The following CSGALNACT1 variants were observed in gnomAD, a reference collection of about 807,000 sequenced individuals.
CSGALNACT1 encodes chondroitin sulfate N-acetylgalactosaminyltransferase 1, also known as beta4GalNAcT-1.
Under a neutral mutation model 51.0 loss-of-function variants are expected in CSGALNACT1, and 52 were observed. The observed-to-expected ratio is 1.02, with a 90% CI of 0.82 to 1.29. The LOEUF (loss-of-function observed/expected upper bound fraction) is 1.29. Ranked by LOEUF, CSGALNACT1 falls within the 50% of genes most tolerant of loss-of-function variation. The probability of loss-of-function intolerance (pLI) is 0.00; values close to 1 mark genes in which losing one functional copy is unlikely to be tolerated. For missense variants in CSGALNACT1, 935 were observed against 679.2 expected, an observed-to-expected ratio of 1.38 and a Z score of -4.19; for synonymous variants, 341 against 254.4, an observed-to-expected ratio of 1.34 and a Z score of -3.24.
intron 1 of CSGALNACT1, among the ~76,000 whole-genome samples, chr8:19,721,559 C>A (rs1371756822): frequency 6.6e-6 from 1 of 152,136 alleles, no homozygotes; most frequent in Non-Finnish European, 1.5e-5. Context: ...CTGGGGTGCT[C>A]AAGAGAGTTC....
At chr8:19,440,947 A>T (rs996859246) in intron 5 of CSGALNACT1, among the ~76,000 whole-genome samples, 1 of 152,228 alleles carries the variant, frequency 6.6e-6, no homozygotes, top group Non-Finnish European at 1.5e-5. Flanking sequence ...GAGCCCAATC[A>T]TGAGTGAACT....
chr8:19,422,128 C>T (rs879716403), intron 6 of CSGALNACT1, among the ~76,000 whole-genome samples: 11 of 152,180 alleles, frequency 7.2e-5, no homozygotes, highest in South Asian at 2.1e-4. Context: ...CACACTAAGA[C>T]GCTATTTTTC....
intron 3 of CSGALNACT1, among the ~76,000 whole-genome samples, chr8:19,525,799 G>C (rs1022224466): frequency 2.0e-5 from 3 of 152,008 alleles, no homozygotes; most frequent in African/African-American, 7.3e-5. Flanking sequence ...CCTCTGAACT[G>C]AGGCCCTAGA....
chr8:19,606,701 G>T (rs530285094), upstream of CSGALNACT1, among the ~76,000 whole-genome samples: 19 of 152,110 alleles, frequency 1.2e-4, no homozygotes, highest in African/African-American at 4.3e-4. Flanking sequence ...ACTCAAGTGG[G>T]TCACCCTGCT....
chr8:19,441,658 G>C (rs1586091088), intron 5 of CSGALNACT1, among the ~76,000 whole-genome samples: 1 of 152,138 alleles, frequency 6.6e-6, no homozygotes, highest in Non-Finnish European at 1.5e-5. Flanking sequence ...CATAGGCATG[G>C]GCAAGGACTT....
chr8:19,679,923 G>A (rs1420845197), intron 1 of CSGALNACT1, among the ~76,000 whole-genome samples: 6 of 152,166 alleles, frequency 3.9e-5, no homozygotes, highest in African/African-American at 1.4e-4. Context: ...GAGCTGGAAG[G>A]GGGCCTACAT....
chr8:19,617,615 A>G (rs1406591388), intron 1 of CSGALNACT1, among the ~76,000 whole-genome samples: 6 of 152,234 alleles, frequency 3.9e-5, no homozygotes, highest in Non-Finnish European at 7.3e-5. Context: ...CTGCTAGAAA[A>G]AAGAATGTGC....
At chr8:19,608,377 T>C (rs2051705923) in intron 1 of CSGALNACT1, among the ~76,000 whole-genome samples, 3 of 152,144 alleles carry the variant, frequency 2.0e-5, no homozygotes, top group African/African-American at 4.8e-5. Flanking sequence ...AATACCAAGT[T>C]CAGTCCCGGT....
chr8:19,518,946 G>A (rs920228904), intron 3 of CSGALNACT1, among the ~76,000 whole-genome samples: 6 of 152,194 alleles, frequency 3.9e-5, no homozygotes, highest in Non-Finnish European at 5.9e-5. Flanking sequence ...GAAGAAAAAC[G>A]AAGCTCTCTC....
intron 1 of CSGALNACT1, among the ~76,000 whole-genome samples, chr8:19,696,570 A>G (rs900651082): frequency 6.6e-6 from 1 of 152,194 alleles, no homozygotes; most frequent in Admixed American, 6.5e-5. Context: ...TTATGAACCC[A>G]AACTCTAGAA....
chr8:19,485,792 G>GTTTTTTTTTTTTTTTTTTTTTTTT (rs1586981591), intron 4 of CSGALNACT1, among the ~76,000 whole-genome samples: 1 of 61,702 alleles, frequency 1.6e-5, no homozygotes, highest in Non-Finnish European at 3.3e-5. Context: ...TTTTGACAGA[G>GTTTTTTTTTTTTTTTTTTTTTTTT]TTTCACTCTT....
At chr8:19,480,348 G>A (rs901955574) in intron 4 of CSGALNACT1, among the ~76,000 whole-genome samples, 23 of 152,106 alleles carry the variant, frequency 1.5e-4, no homozygotes, top group African/African-American at 5.6e-4. Context: ...ACCACTTATT[G>A]GTGAGAACAC....
chr8:19,540,355 G>A (rs560964341), intron 3 of CSGALNACT1, among the ~76,000 whole-genome samples: 17 of 152,216 alleles, frequency 1.1e-4, no homozygotes, highest in Admixed American at 7.8e-4. Context: ...TACCTGGGTC[G>A]GGATTATAAA....
intron 3 of CSGALNACT1, among the ~76,000 whole-genome samples, chr8:19,577,401 C>CAAAAAAAAAAAAAAA (rs111734132): frequency 1.2e-4 from 12 of 104,254 alleles, no homozygotes; most frequent in African/African-American, 4.8e-4. Flanking sequence ...CCCACCTCTA[C>CAAAAAAAAAAAAAAA]AAAAAAAAAA....
At chr8:19,592,898 A>ACTAC (rs1449397446) in intron 2 of CSGALNACT1, among the ~76,000 whole-genome samples, 2 of 152,346 alleles carry the variant, frequency 1.3e-5, no homozygotes, top group Admixed American at 6.5e-5. Flanking sequence ...ACCATACCCC[A>ACTAC]CTACAGTGGT....
intron 3 of CSGALNACT1, among the ~76,000 whole-genome samples, chr8:19,589,520 T>G (rs2047358732): frequency 6.6e-6 from 1 of 152,168 alleles, no homozygotes; most frequent in Non-Finnish European, 1.5e-5. Flanking sequence ...GAGATGGAGT[T>G]TAATCACGTT....
At chr8:19,406,272 C>T (rs1019458336) in intron 9 of CSGALNACT1, among the ~76,000 whole-genome samples, 9 of 151,944 alleles carry the variant, frequency 5.9e-5, no homozygotes, top group Admixed American at 2.6e-4. Flanking sequence ...GCAGACAGCA[C>T]CGACTTCTTC....
intron 3 of CSGALNACT1, among the ~76,000 whole-genome samples, chr8:19,553,622 T>C (rs1274128395): frequency 1.5e-5 from 2 of 134,326 alleles, no homozygotes; most frequent in Non-Finnish European, 3.1e-5. Context: ...TATAAATACA[T>C]ATATATATAT....
rs1159626193 is a variant in CSGALNACT1 at position 19,541,553 on chromosome 8, A to ATTTTTTTTTTTTTTTTTTTTTTTT, written c.-296-35447_-296-35424dup. Among the ~76,000 whole-genome samples the ATTTTTTTTTTTTTTTTTTTTTTTT allele has an allele frequency of 6.8e-4, 48 of 70,096 alleles. 3 individuals are homozygous for ATTTTTTTTTTTTTTTTTTTTTTTT. The highest frequency in any genetic ancestry group is 3.0e-3 in the East Asian group (7 of 2,298). The allele number at this position is 70,096 out of a possible 152,430, so 46.0% of individuals were successfully genotyped here. On this transcript the variant is annotated intron_variant, in intron 3 of 9. Transcript: ENST00000454498. Reference sequence around the variant, plus strand: ...AGGTGTGAGCCACCGTGCTCAGCCAATTTTTTTTTTTTTTTTTTTTTTTTT... The same window carrying ATTTTTTTTTTTTTTTTTTTTTTTT: ...AGGTGTGAGCCACCGTGCTCAGCCAATTTTTTTTTTTTTTTTTTTTTTTTTTTTTTTTTTTTTTTTTTTTTTTTT...
Sources: allele counts gnomAD v4.1 joint callset (sites outside exome capture counted in the v4.1 genomes callset), GRCh38; gene constraint gnomAD v4.1.1; transcripts MANE v1.5; gene names NCBI Gene and HGNC (gene_info 2026-07-23, HGNC 2026-07-21).